Variants in SMARCA2 observed in about 807,000 individuals in gnomAD.
SMARCA2 encodes SWI/SNF related BAF chromatin remodeling complex subunit ATPase 2.
In SMARCA2, 61 loss-of-function variants were observed where a neutral mutation model predicts 199.8. The observed-to-expected ratio is 0.31, with a 90% CI of 0.25 to 0.38. The LOEUF (loss-of-function observed/expected upper bound fraction) is 0.38. Ranked by LOEUF, SMARCA2 falls within the 10% of genes least tolerant of loss-of-function variation. SMARCA2 has a pLI of 1.00. For missense variants in SMARCA2, 1,344 were observed against 2,012.2 expected (o/e 0.67, Z 6.35); for synonymous variants, 935 against 732.0 (o/e 1.28, Z -4.48).
intron 32 of SMARCA2, among the ~76,000 whole-genome samples, chr9:2,188,730 A>G (rs1377244070): frequency 6.6e-6 from 1 of 152,238 alleles, no homozygotes; most frequent in East Asian, 1.9e-4. Flanking sequence ...CAGGTTCAGC[A>G]TGAGTCTCCC....
At chr9:2,084,674 C>T (rs557376694) in intron 17 of SMARCA2, among the ~76,000 whole-genome samples, 2 of 152,180 alleles carry the variant, frequency 1.3e-5, no homozygotes, top group South Asian at 2.1e-4. Context: ...TTATCCAAGC[C>T]GTGGCTTTTG....
At chr9:2,033,208 C>T (rs1819153163) in intron 3 of SMARCA2, 127 bp downstream of exon 3, 1 of 1,039,342 alleles carries the variant, frequency 9.6e-7, no homozygotes, top group South Asian at 1.6e-5. Context: ...GGTTTCTTTT[C>T]CTTATGGAAA....
At chr9:2,125,468 A>T (rs570078467) in intron 27 of SMARCA2, among the ~76,000 whole-genome samples, 1 of 151,636 alleles carries the variant, frequency 6.6e-6, no homozygotes, top group Non-Finnish European at 1.5e-5. Flanking sequence ...AGCAGACGGG[A>T]CAATAATAAT....
intron 27 of SMARCA2, among the ~76,000 whole-genome samples, chr9:2,130,985 G>A (rs1586736308): frequency 6.6e-6 from 1 of 152,202 alleles, no homozygotes; most frequent in East Asian, 1.9e-4. Context: ...CAAAAAGCGG[G>A]CTGGAGGGTG....
intron 27 of SMARCA2, chr9:2,159,959 C>G: frequency 6.4e-7 from 1 of 1,573,016 alleles, no homozygotes; most frequent in Non-Finnish European, 8.6e-7. Context: ...GAACTACATC[C>G]CAGGCATGTG....
chr9:2,147,346 C>T (rs1264775746), intron 27 of SMARCA2, among the ~76,000 whole-genome samples: 1 of 151,526 alleles, frequency 6.6e-6, no homozygotes, highest in East Asian at 1.9e-4. Flanking sequence ...ACCAGTGGTG[C>T]ATTGGTCAAC....
At chr9:2,081,548 T>C (rs1486869869) in intron 14 of SMARCA2, among the ~76,000 whole-genome samples, 1 of 152,242 alleles carries the variant, frequency 6.6e-6, no homozygotes, top group Non-Finnish European at 1.5e-5. Flanking sequence ...TTTATAATAA[T>C]TCTAGAATGT....
At chr9:2,063,904 A>T (rs1465752436) in intron 9 of SMARCA2, among the ~76,000 whole-genome samples, 1 of 152,216 alleles carries the variant, frequency 6.6e-6, no homozygotes, top group East Asian at 1.9e-4. Flanking sequence ...GTACACATTT[A>T]TAAATCATTT....
At chr9:2,175,854 CCT>C (rs1301129210) in intron 29 of SMARCA2, among the ~76,000 whole-genome samples, 1 of 151,574 alleles carries the variant, frequency 6.6e-6, no homozygotes, top group Admixed American at 6.6e-5. Flanking sequence ...AATTTGATAT[CCT>C]CTGTTTTTTT....
chr9:2,149,178 C>T (rs1323671664), intron 27 of SMARCA2, among the ~76,000 whole-genome samples: 2 of 151,178 alleles, frequency 1.3e-5, no homozygotes, highest in Non-Finnish European at 3.0e-5. Context: ...AGGCAAAAGG[C>T]ACTTCTTACA....
chr9:2,074,381 G>A (rs1821227499), intron 12 of SMARCA2, among the ~76,000 whole-genome samples: 1 of 152,116 alleles, frequency 6.6e-6, no homozygotes, highest in African/African-American at 2.4e-5. Context: ...ATTTTTGAGA[G>A]TGCCGTAGTA....
chr9:2,028,192 C>G (rs745686333), intron 1 of SMARCA2, among the ~76,000 whole-genome samples: 2 of 152,202 alleles, frequency 1.3e-5, no homozygotes, highest in Non-Finnish European at 2.9e-5. Flanking sequence ...TTTTAACTGT[C>G]TGAGGGGGTC....
At chr9:2,045,148 T>A (rs1255660121) in intron 4 of SMARCA2, 2 of 152,208 alleles carry the variant, frequency 1.3e-5, no homozygotes, top group Admixed American at 6.5e-5. Flanking sequence ...GATGAATTAT[T>A]TGAACTGGGA....
intron 9 of SMARCA2, among the ~76,000 whole-genome samples, chr9:2,066,488 G>A (rs1820842533): frequency 6.6e-6 from 1 of 152,208 alleles, no homozygotes; most frequent in Non-Finnish European, 1.5e-5. Flanking sequence ...GTTGGCCTTG[G>A]AAATTGGGAA....
intron 9 of SMARCA2, among the ~76,000 whole-genome samples, chr9:2,062,778 C>T (rs964975267): frequency 7.2e-5 from 11 of 152,092 alleles, no homozygotes; most frequent in African/African-American, 2.7e-4. Flanking sequence ...AGCATCCTGC[C>T]TTCTCTCACA....
rs1276735618 is a variant in SMARCA2 at position 2,017,549 on chromosome 9, AGT to A, written c.-37+2157_-37+2158del. 3.9e-5 allele frequency: 6 copies of A among 152,122 alleles called. No individual in the cohort carries two copies. Among genetic ancestry groups the A allele is most frequent in the South Asian group, 4.1e-4 (2 of 4,824 alleles). 9.4% of individuals were successfully genotyped at this position (152,122 alleles called of 1,614,324 possible). A position where few individuals can be genotyped will look rare whatever the true frequency, so the allele number is the denominator to read the frequency against. ...GGGGTGGCGTGTGCGTGTGGTTGTG[AGT>A]GTGTGTGTGTGCGCGCGCGAGCGGC... On this transcript the variant is annotated intron_variant, in intron 1 of 33. Coordinates refer to ENST00000349721, the MANE Select transcript of SMARCA2 (RefSeq NM_003070.5). The surrounding 1 kb of genome is among the most constrained non-coding windows in gnomAD (Gnocchi z 8.8).
At chr9:2,105,020 G>T (rs76177017) in intron 23 of SMARCA2, among the ~76,000 whole-genome samples, 30 of 152,222 alleles carry the variant, frequency 2.0e-4, no homozygotes, top group Non-Finnish European at 3.4e-4. Context: ...TGTTAAATGG[G>T]AAACTTAAGG....
intron 5 of SMARCA2, among the ~76,000 whole-genome samples, chr9:2,049,926 A>T (rs1196947016): frequency 6.6e-6 from 1 of 152,030 alleles, no homozygotes; most frequent in East Asian, 1.9e-4. Flanking sequence ...GGTCTAAAAA[A>T]CCTCTTTTAC....
intron 8 of SMARCA2, 51 bp from the exon 9 acceptor site, chr9:2,060,765 T>G (rs762652295): frequency 6.4e-7 from 1 of 1,557,042 alleles, no homozygotes; most frequent in African/African-American, 1.4e-5. Context: ...GAGAGTGGAG[T>G]TGTCTGCACG....
Sources: allele counts gnomAD v4.1 joint callset (sites outside exome capture counted in the v4.1 genomes callset), GRCh38; gene constraint gnomAD v4.1.1; non-coding constraint Gnocchi (gnomAD v3.1); transcripts MANE v1.5; gene names NCBI Gene and HGNC (gene_info 2026-07-23, HGNC 2026-07-21).